The following BAALC variants were observed in gnomAD, a reference collection of about 807,000 sequenced individuals.
BAALC encodes the protein brain and acute leukemia cytoplasmic protein.
Under a neutral mutation model 15.5 loss-of-function variants are expected in BAALC, and 9 were observed. That is an observed-to-expected ratio of 0.58 (90% CI 0.35 to 1.02). The LOEUF is 1.02. BAALC is among the 50% of genes least tolerant of loss of function. The probability of loss-of-function intolerance (pLI) is 0.02; values close to 1 mark genes in which losing one functional copy is unlikely to be tolerated. For synonymous variants in BAALC, 80 were observed against 74.6 expected (o/e 1.07, Z -0.37); for missense variants, 201 against 192.4 (o/e 1.04, Z -0.27).
chr8:103,171,580 C>T (rs1811496027), intron 1 of BAALC, among the ~76,000 whole-genome samples: 1 of 152,212 alleles, frequency 6.6e-6, no homozygotes. Context: ...CACACAGATT[C>T]CTCTAGGGAC....
intron 1 of BAALC, among the ~76,000 whole-genome samples, chr8:103,157,967 A>G (rs907191098): frequency 1.3e-5 from 2 of 152,218 alleles, no homozygotes; most frequent in Admixed American, 6.5e-5. Context: ...AAATTCCTTA[A>G]TTCTTAATTC....
chr8:103,188,644 C>G (rs189583466), intron 1 of BAALC, among the ~76,000 whole-genome samples: 1 of 152,280 alleles, frequency 6.6e-6, no homozygotes, highest in East Asian at 1.9e-4. Flanking sequence ...TAAAGGAATT[C>G]TGCGAGATAA....
chr8:103,176,779 C>A (rs998381025), intron 1 of BAALC, among the ~76,000 whole-genome samples: 5 of 152,116 alleles, frequency 3.3e-5, no homozygotes, highest in African/African-American at 4.8e-5. Flanking sequence ...TTTTATCTTG[C>A]CTCTGACATG....
chr8:103,200,640 G>A (rs1812194138), intron 1 of BAALC: 3 of 676,342 alleles, frequency 4.4e-6, no homozygotes, highest in Non-Finnish European at 8.2e-6. Flanking sequence ...ATAAGTAACA[G>A]AAAATTATTT....
chr8:103,195,370 TGAG>T (rs1031489205), intron 1 of BAALC, among the ~76,000 whole-genome samples: 38 of 152,186 alleles, frequency 2.5e-4, no homozygotes, highest in African/African-American at 8.9e-4. Flanking sequence ...TTGATGTCCA[TGAG>T]GAGAAGGTAT....
chr8:103,203,847 G>A (rs777508449), intron 1 of BAALC, among the ~76,000 whole-genome samples: 1 of 152,054 alleles, frequency 6.6e-6, no homozygotes, highest in Non-Finnish European at 1.5e-5. Context: ...TGGATATTCG[G>A]GTTGTTTCTA....
chr8:103,181,031 A>G (rs1254377345), intron 1 of BAALC, among the ~76,000 whole-genome samples: 1 of 152,148 alleles, frequency 6.6e-6, no homozygotes, highest in Non-Finnish European at 1.5e-5. Context: ...TGTAGAGTTT[A>G]GGTTTCGTGA....
chr8:103,149,220 C>G (rs192426069), intron 1 of BAALC, among the ~76,000 whole-genome samples: 9 of 152,220 alleles, frequency 5.9e-5, no homozygotes, highest in African/African-American at 2.2e-4. Flanking sequence ...AACCATTTAG[C>G]GTGGGAGCCT....
chr8:103,226,987 TA>T (rs1435418932), intron 2 of BAALC, among the ~76,000 whole-genome samples: 1 of 152,182 alleles, frequency 6.6e-6, no homozygotes, highest in African/African-American at 2.4e-5. Flanking sequence ...ACCACTCTAC[TA>T]AAGCCAACTA....
At chr8:103,152,979 G>A (rs979778398) in intron 1 of BAALC, among the ~76,000 whole-genome samples, 2 of 152,200 alleles carry the variant, frequency 1.3e-5, no homozygotes, top group African/African-American at 4.8e-5. Flanking sequence ...AGTAAACTTT[G>A]CTTGGGTCTT....
At chr8:103,224,080 C>A (rs998871745) in intron 2 of BAALC, among the ~76,000 whole-genome samples, 1 of 151,190 alleles carries the variant, frequency 6.6e-6, no homozygotes, top group Non-Finnish European at 1.5e-5. Context: ...ACGCTTTGTG[C>A]GTGTGTGCAT....
At chr8:103,205,469 A>C (rs999180066) in intron 1 of BAALC, among the ~76,000 whole-genome samples, 2 of 152,196 alleles carry the variant, frequency 1.3e-5, no homozygotes, top group African/African-American at 4.8e-5. Flanking sequence ...ACTATGGAAA[A>C]AATATACATG....
At chr8:103,223,442 C>T (rs1812727902) in intron 2 of BAALC, among the ~76,000 whole-genome samples, 1 of 152,166 alleles carries the variant, frequency 6.6e-6, no homozygotes, top group Non-Finnish European at 1.5e-5. Flanking sequence ...GCATTATTTC[C>T]TTCATTTTTC....
intron 1 of BAALC, among the ~76,000 whole-genome samples, chr8:103,211,693 G>T (rs79036668): frequency 0.014 from 2,104 of 152,282 alleles, 47 homozygotes; most frequent in African/African-American, 0.048. Flanking sequence ...GAGCCACTTG[G>T]AGAGCAGGGA....
intron 1 of BAALC, among the ~76,000 whole-genome samples, chr8:103,173,794 C>T (rs992568554): frequency 6.6e-6 from 1 of 152,192 alleles, no homozygotes; most frequent in African/African-American, 2.4e-5. Flanking sequence ...GAAAATATTA[C>T]TCAACTTAAA....
In BAALC at chr8:103,228,297, T is replaced by C; in HGVS notation, c.*198T>C. 1 of 561,464 alleles carries C rather than the reference T, an allele frequency of 1.8e-6. No individual in the cohort carries two copies. The allele number at this position is 561,464 out of a possible 1,614,324, so 34.8% of individuals were successfully genotyped here. On this transcript the variant is annotated 3_prime_UTR_variant, in exon 3 of 3. Coordinates refer to ENST00000309982, the MANE Select transcript of BAALC (RefSeq NM_024812.3). Reference sequence around the variant, plus strand: ...CTGAGCCTTCTACTTATCATGTAAATGTATTGGCACAGTGCTTACATATGT... The same window carrying C: ...CTGAGCCTTCTACTTATCATGTAAACGTATTGGCACAGTGCTTACATATGT...
intron 1 of BAALC, among the ~76,000 whole-genome samples, chr8:103,205,978 G>A (rs1812318784): frequency 6.6e-6 from 1 of 152,210 alleles, no homozygotes; most frequent in African/African-American, 2.4e-5. Context: ...CACTTGATGA[G>A]CATTTTGCAT....
intron 1 of BAALC, among the ~76,000 whole-genome samples, chr8:103,188,513 AG>A (rs1158335828): frequency 6.6e-6 from 1 of 152,250 alleles, no homozygotes; most frequent in African/African-American, 2.4e-5. Flanking sequence ...AGGTCAGGAA[AG>A]GAATCACTAA....
rs143367499 is a variant in BAALC, at chr8:103,157,300, C to T, written c.160+16243C>T. Among the ~76,000 whole-genome samples, 1,207 of 151,982 alleles carry T rather than the reference C, an allele frequency of 7.9e-3. 23 individuals are homozygous for T. The highest frequency in any genetic ancestry group is 0.027 in the African/African-American group (1,130 of 41,402). On this transcript the variant is annotated intron_variant, in intron 1 of 2. Transcript: ENST00000309982. ...ATATATGAAAATTTGAAACTTTATA[C>T]GCACATATTTCAAGCTATATATATA...
Sources: gnomAD v4.1 joint callset for allele counts (sites outside exome capture counted in the v4.1 genomes callset) on GRCh38, gnomAD v4.1.1 for gene constraint, MANE v1.5 for transcripts, NCBI Gene and HGNC (gene_info 2026-07-23, HGNC 2026-07-21) for gene names.